The following ADK variants were observed in gnomAD, a reference collection of about 807,000 sequenced individuals.
ADK encodes the protein N6,N6-dimethyladenosine kinase.
In ADK, 24 loss-of-function variants were observed where a neutral mutation model predicts 44.7. That is an observed-to-expected ratio of 0.54 (90% confidence interval 0.39 to 0.76). The LOEUF is 0.76. Ranked by LOEUF, ADK falls within the 30% of genes least tolerant of loss-of-function variation. The pLI is 0.00. For synonymous variants in ADK, 128 were observed against 142.6 expected (o/e 0.90, Z 0.73); for missense variants, 321 against 425.1 (o/e 0.76, Z 2.15).
chr10:74,662,440 C>T (rs1346890918), intron 9 of ADK, among the ~76,000 whole-genome samples: 3 of 152,102 alleles, frequency 2.0e-5, no homozygotes, highest in African/African-American at 7.2e-5. Context: ...ACCACCACAT[C>T]CAGCTAATTT....
chr10:74,707,859 G>A (rs879502052), intron 10 of ADK, among the ~76,000 whole-genome samples: 4 of 151,460 alleles, frequency 2.6e-5, no homozygotes, highest in Admixed American at 6.6e-5. Flanking sequence ...GGAAGCTCAT[G>A]ATGTTTGGGA....
intron 9 of ADK, among the ~76,000 whole-genome samples, chr10:74,669,313 T>C (rs1855087300): frequency 6.6e-6 from 1 of 152,180 alleles, no homozygotes; most frequent in African/African-American, 2.4e-5. Context: ...TCTGTCCCCA[T>C]AGGGATGCAA....
chr10:74,331,130 A>T (rs1208218106), intron 4 of ADK, among the ~76,000 whole-genome samples: 1 of 152,190 alleles, frequency 6.6e-6, no homozygotes, highest in Non-Finnish European at 1.5e-5. Context: ...AATATTTTAC[A>T]CCCGTATTGT....
At chr10:74,159,318 G>A (rs900184566) in intron 1 of ADK, among the ~76,000 whole-genome samples, 1 of 152,206 alleles carries the variant, frequency 6.6e-6, no homozygotes, top group East Asian at 1.9e-4. Flanking sequence ...TTTGGTTACT[G>A]TATTAACATG....
At chr10:74,663,137 A>G (rs1348652001) in intron 9 of ADK, among the ~76,000 whole-genome samples, 1 of 151,782 alleles carries the variant, frequency 6.6e-6, no homozygotes, top group East Asian at 1.9e-4. Context: ...AGAGTAGCTG[A>G]GGCACAAGAA....
At chr10:74,685,914 T>G (rs1159275683) in intron 10 of ADK, among the ~76,000 whole-genome samples, 3 of 152,088 alleles carry the variant, frequency 2.0e-5, no homozygotes, top group Admixed American at 6.6e-5. Flanking sequence ...GAAGATATTA[T>G]AACAGTGGTT....
intron 1 of ADK, 145 bp from the exon 2 acceptor site, chr10:74,200,619 T>C (rs1843344158): frequency 1.5e-6 from 1 of 678,488 alleles, no homozygotes; most frequent in African/African-American, 1.8e-5. Context: ...GTTCTACGTA[T>C]AATAGGCAAA....
chr10:74,428,075 C>T (rs1261834973), intron 6 of ADK, among the ~76,000 whole-genome samples: 1 of 152,132 alleles, frequency 6.6e-6, no homozygotes, highest in Non-Finnish European at 1.5e-5. Context: ...TTCCTGCCTT[C>T]ATTGTCATAT....
At chr10:74,205,328 T>C (rs1391010995) in intron 2 of ADK, among the ~76,000 whole-genome samples, 1 of 152,148 alleles carries the variant, frequency 6.6e-6, no homozygotes, top group Admixed American at 6.5e-5. Context: ...CTGTGTATCA[T>C]TTATTGCAGA....
intron 6 of ADK, among the ~76,000 whole-genome samples, chr10:74,494,062 A>G (rs1438441886): frequency 1.3e-5 from 2 of 152,222 alleles, no homozygotes; most frequent in Non-Finnish European, 1.5e-5. Flanking sequence ...ATGATGAAAT[A>G]GAATTATTTA....
chr10:74,378,574 G>A (rs1248999851), intron 4 of ADK, among the ~76,000 whole-genome samples: 4 of 152,122 alleles, frequency 2.6e-5, no homozygotes, highest in Admixed American at 6.5e-5. Context: ...TTAAGATACA[G>A]TTTATCCAAT....
intron 3 of ADK, among the ~76,000 whole-genome samples, chr10:74,290,078 G>GCGCGCA (rs113592873): frequency 1.6e-3 from 245 of 149,120 alleles, no homozygotes; most frequent in Non-Finnish European, 1.9e-3. Context: ...CTACTCACGC[G>GCGCGCA]CACACACACA....
chr10:74,415,330 T>G (rs1255573173), intron 6 of ADK, among the ~76,000 whole-genome samples: 2 of 152,222 alleles, frequency 1.3e-5, no homozygotes, highest in Admixed American at 6.5e-5. Flanking sequence ...AAATGTTTAC[T>G]AAATCTCTTT....
At chr10:74,152,214 G>A (rs1841616827) in intron 1 of ADK, among the ~76,000 whole-genome samples, 2 of 152,110 alleles carry the variant, frequency 1.3e-5, no homozygotes, top group East Asian at 1.9e-4. Context: ...CACCTCCAAA[G>A]GAAGGAATCA....
intron 4 of ADK, among the ~76,000 whole-genome samples, chr10:74,321,446 C>G (rs1218759906): frequency 6.6e-6 from 1 of 151,712 alleles, no homozygotes; most frequent in African/African-American, 2.4e-5. Flanking sequence ...ACCACACCCA[C>G]CTTATTTTTA....
At chr10:74,655,008 C>A in intron 9 of ADK, 1 of 192,036 alleles carries the variant, frequency 5.2e-6, no homozygotes, top group South Asian at 9.5e-5. Flanking sequence ...GGGCCCCGAC[C>A]CCTCCTGACT....
chr10:74,454,603 CT>C (rs1317481579), intron 6 of ADK, among the ~76,000 whole-genome samples: 1 of 152,052 alleles, frequency 6.6e-6, no homozygotes, highest in Admixed American at 6.6e-5. Context: ...AAAAAAATAT[CT>C]TTCCCTCCTG....
At chr10:74,601,765 C>G (rs1014373657) in intron 9 of ADK, among the ~76,000 whole-genome samples, 1 of 151,154 alleles carries the variant, frequency 6.6e-6, no homozygotes, top group African/African-American at 2.4e-5. Flanking sequence ...ACATTGATAT[C>G]CTTGCTAATC....
intron 1 of ADK, among the ~76,000 whole-genome samples, chr10:74,188,385 G>T (rs1229080949): frequency 5.2e-4 from 26 of 50,284 alleles, no homozygotes; most frequent in Admixed American, 1.2e-3. Flanking sequence ...GTCTTGCTTT[G>T]TCACCCAGGC....
Sources: gnomAD v4.1 joint callset for allele counts (sites outside exome capture counted in the v4.1 genomes callset) on GRCh38, gnomAD v4.1.1 for gene constraint, MANE v1.5 for transcripts, NCBI Gene and HGNC (gene_info 2026-07-23, HGNC 2026-07-21) for gene names.